The following ALG8 variants were observed in gnomAD, a reference collection of about 807,000 sequenced individuals.
ALG8 encodes the protein dolichyl pyrophosphate Glc1Man9GlcNAc2 alpha-1,3-glucosyltransferase.
Under a neutral mutation model 70.2 loss-of-function variants are expected in ALG8, and 48 were observed. The observed-to-expected ratio is 0.68, with a 90% CI of 0.54 to 0.87. The LOEUF is 0.87. Among genes scored for constraint, ALG8 ranks in the 40% least tolerant of loss-of-function variants. The pLI is 0.00. For synonymous variants in ALG8, 234 were observed against 229.0 expected (o/e 1.02, Z -0.20); for missense variants, 572 against 608.7 (o/e 0.94, Z 0.64).
At chr11:78,111,779 T>TTC (rs200385907) in intron 8 of ALG8, among the ~76,000 whole-genome samples, 2,024 of 152,296 alleles carry the variant, frequency 0.013, 48 homozygotes, top group African/African-American at 0.045. Context: ...AATGAGAGAC[T>TTC]GTGTTATCCA....
At chr11:78,112,118 A>G (rs952056402) in intron 8 of ALG8, among the ~76,000 whole-genome samples, 1 of 152,042 alleles carries the variant, frequency 6.6e-6, no homozygotes, top group African/African-American at 2.4e-5. Flanking sequence ...AAAAAACAAA[A>G]ATTTAAAAAT....
chr11:78,133,795 G>C (rs1352587699), intron 1 of ALG8, among the ~76,000 whole-genome samples: 4 of 151,922 alleles, frequency 2.6e-5, no homozygotes, highest in African/African-American at 9.7e-5. Context: ...TCAGCTACTC[G>C]GTAGGCTGAG....
chr11:78,121,716 G>A lies in ALG8; in HGVS notation c.369-542C>T, dbSNP rs557928805. Among the ~76,000 whole-genome samples, 3 of 152,152 alleles carry A rather than the reference G, an allele frequency of 2.0e-5. No homozygotes were observed. The South Asian group carries it at 6.2e-4, about 32-fold the overall frequency. On this transcript the variant is annotated intron_variant, in intron 3 of 12. Transcript: ENST00000299626. ...AAAGTAAGGATTTTGAAAACTGAGAGAGCATACATTATTTCAGTCCTTAAG... is the reference window on the plus strand; with the variant it reads ...AAAGTAAGGATTTTGAAAACTGAGAAAGCATACATTATTTCAGTCCTTAAG...
At chr11:78,122,980 G>A (rs868025036) in intron 3 of ALG8, among the ~76,000 whole-genome samples, 3 of 152,150 alleles carry the variant, frequency 2.0e-5, no homozygotes, top group South Asian at 4.2e-4. Context: ...ACCAGTCACT[G>A]TTCTGTCACA....
At chr11:78,117,676 G>A (rs1860637359) in intron 5 of ALG8, among the ~76,000 whole-genome samples, 1 of 151,968 alleles carries the variant, frequency 6.6e-6, no homozygotes, top group Non-Finnish European at 1.5e-5. Flanking sequence ...GACTCAGGAG[G>A]CTGAGGTGAG....
intron 6 of ALG8, 31 bp from the exon 7 acceptor site, chr11:78,114,020 GA>G: frequency 6.4e-7 from 1 of 1,553,318 alleles, no homozygotes; most frequent in Non-Finnish European, 8.8e-7. Flanking sequence ...CAGTAACCAG[GA>G]AGATGGAAAG....
chr11:78,107,406 A>G (rs547339466), intron 9 of ALG8, among the ~76,000 whole-genome samples: 1 of 144,260 alleles, frequency 6.9e-6, no homozygotes, highest in East Asian at 2.2e-4. Flanking sequence ...TTTTTAATAG[A>G]GACGGGGTTT....
chr11:78,112,780 A>T lies in ALG8; in HGVS notation c.778-10T>A, dbSNP rs1454287182. 1.2e-6 allele frequency: 2 copies of T among 1,612,852 alleles called. No individual in the cohort carries two copies. The highest frequency in any genetic ancestry group is 1.7e-6 in the Non-Finnish European group (2 of 1,179,278). On this transcript the variant is annotated splice_polypyrimidine_tract_variant and intron_variant, in intron 7 of 12. Transcript: ENST00000299626. ...CTTGAGGCAGCTGATTCTGTTGAAA[A>T]GAGAAATGAAACTGATTAAACAGTC...
chr11:78,117,611 C>CAAAA lies in ALG8; in HGVS notation c.546+1567_546+1570dup, dbSNP rs55823839. Among the ~76,000 whole-genome samples the CAAAA allele has an allele frequency of 1.9e-3, 247 of 128,550 alleles. 1 individual carries two copies. Among genetic ancestry groups the CAAAA allele is most frequent in the African/African-American group, 5.0e-3 (173 of 34,520 alleles). The allele number at this position is 128,550 out of a possible 152,430, so 84.3% of individuals were successfully genotyped here. ...AACATAGTGAAACCTCCTTCTCTACCAAAAAAAAAAAAAAAAATTAGCCAG... is the reference window on the plus strand; with the variant it reads ...AACATAGTGAAACCTCCTTCTCTACCAAAAAAAAAAAAAAAAAAAAATTAGCCAG... On this transcript the variant is annotated intron_variant, in intron 5 of 12. Coordinates refer to ENST00000299626, the MANE Select transcript of ALG8 (RefSeq NM_024079.5).
chr11:78,115,426 C>A (rs1860514333), intron 5 of ALG8, among the ~76,000 whole-genome samples: 1 of 151,332 alleles, frequency 6.6e-6, no homozygotes, highest in African/African-American at 2.4e-5. Context: ...TCTTGTTGCC[C>A]AGGCTGGAGT....
At chr11:78,120,974 A>G in intron 4 of ALG8, 91 bp downstream of exon 4, 1 of 1,231,548 alleles carries the variant, frequency 8.1e-7, no homozygotes, top group Non-Finnish European at 1.2e-6. Context: ...GAAGGAGCTC[A>G]CATCTCCAAT....
At chr11:78,105,486 G>A (rs530710729) in intron 10 of ALG8, among the ~76,000 whole-genome samples, 1 of 151,936 alleles carries the variant, frequency 6.6e-6, no homozygotes, top group Non-Finnish European at 1.5e-5. Context: ...CAAACATTTT[G>A]AGCCCTAGAT....
intron 1 of ALG8, among the ~76,000 whole-genome samples, chr11:78,138,482 C>G (rs1054402893): frequency 3.3e-5 from 5 of 152,262 alleles, no homozygotes; most frequent in Non-Finnish European, 4.4e-5. Context: ...CATATACATT[C>G]CACTTACATG....
intron 1 of ALG8, among the ~76,000 whole-genome samples, chr11:78,128,759 C>A (rs376317938): frequency 6.6e-6 from 1 of 151,790 alleles, no homozygotes; most frequent in African/African-American, 2.4e-5. Context: ...TACAGGTGCG[C>A]GGCACCACGC....
At chr11:78,107,508 C>T (rs950689137) in intron 9 of ALG8, among the ~76,000 whole-genome samples, 11 of 148,788 alleles carry the variant, frequency 7.4e-5, no homozygotes, top group East Asian at 2.0e-4. Context: ...TTTGAGCCAC[C>T]GCACCTAGCC....
intron 9 of ALG8, among the ~76,000 whole-genome samples, chr11:78,108,828 G>T (rs1860156251): frequency 6.6e-6 from 1 of 152,314 alleles, no homozygotes; most frequent in South Asian, 2.1e-4. Context: ...AAAGATGAGT[G>T]TAATTATCGA....
At chr11:78,108,365 G>C (rs990446387) in intron 9 of ALG8, among the ~76,000 whole-genome samples, 1 of 151,960 alleles carries the variant, frequency 6.6e-6, no homozygotes, top group Non-Finnish European at 1.5e-5. Context: ...CCAGCTACTT[G>C]GGAGGCTGAG....
At chr11:78,131,711 C>T (rs1256971404) in intron 1 of ALG8, among the ~76,000 whole-genome samples, 2 of 151,982 alleles carry the variant, frequency 1.3e-5, no homozygotes, top group East Asian at 3.9e-4. Context: ...AGCAATCTGC[C>T]TGCCTTGGCC....
At chr11:78,117,172 G>A (rs918532911) in intron 5 of ALG8, among the ~76,000 whole-genome samples, 1 of 152,096 alleles carries the variant, frequency 6.6e-6, no homozygotes, top group African/African-American at 2.4e-5. Context: ...TAAGAATGTA[G>A]CGGTAAATTT....
Sources: allele counts gnomAD v4.1 joint callset (sites outside exome capture counted in the v4.1 genomes callset), GRCh38; gene constraint gnomAD v4.1.1; transcripts MANE v1.5; gene names NCBI Gene and HGNC (gene_info 2026-07-23, HGNC 2026-07-21).